Variants in SHISA9 observed in about 807,000 individuals in gnomAD.
SHISA9 encodes shisa family member 9.
SHISA9 carries 13 observed loss-of-function variants against 38.0 expected under a neutral mutation model. The ratio of observed to expected loss-of-function variants is 0.34; its 90% confidence interval spans 0.22 to 0.54. The LOEUF is 0.54. SHISA9 is among the 20% of genes least tolerant of loss of function. SHISA9 has a pLI of 0.91. For synonymous variants in SHISA9, 275 were observed against 242.0 expected (o/e 1.14, Z -1.27); for missense variants, 538 against 575.8 (o/e 0.93, Z 0.67).
intron 2 of SHISA9, among the ~76,000 whole-genome samples, chr16:13,078,291 T>G (rs1470641534): frequency 6.6e-6 from 1 of 152,272 alleles, no homozygotes; most frequent in African/African-American, 2.4e-5. Context: ...CTGAATACTT[T>G]AGATCGTCTC....
the SHISA9 span, among the ~76,000 whole-genome samples, chr16:13,290,187 T>C: frequency 2.6e-5 from 4 of 152,156 alleles, no homozygotes; most frequent in African/African-American, 9.7e-5. Flanking sequence ...TTCTATGGTA[T>C]TGTACATGTA....
At chr16:13,071,571 C>CCTTCCTTCCTCCCTTCCTTCCTTCCTT (rs1445653646) in intron 2 of SHISA9, among the ~76,000 whole-genome samples, 4 of 134,336 alleles carry the variant, frequency 3.0e-5, no homozygotes, top group African/African-American at 1.4e-4. Context: ...CTTCCTTCCT[C>CCTTCCTTCCTCCCTTCCTTCCTTCCTT]CCTTCCTCCC....
chr16:12,911,956 A>G (rs1393248918), intron 1 of SHISA9, among the ~76,000 whole-genome samples: 1 of 152,250 alleles, frequency 6.6e-6, no homozygotes, highest in Non-Finnish European at 1.5e-5. Flanking sequence ...CCAAGCTAAT[A>G]AATAATTTAA....
chr16:13,419,425 G>T, the SHISA9 span, among the ~76,000 whole-genome samples: 1 of 152,146 alleles, frequency 6.6e-6, no homozygotes, highest in African/African-American at 2.4e-5. Context: ...TGGCTTTGTG[G>T]GACTAATCTT....
chr16:12,997,422 T>C (rs546739749), intron 2 of SHISA9, among the ~76,000 whole-genome samples: 1 of 151,784 alleles, frequency 6.6e-6, no homozygotes, highest in East Asian at 1.9e-4. Flanking sequence ...TTTTTTTTTT[T>C]TTTTTAGACA....
the SHISA9 span, among the ~76,000 whole-genome samples, chr16:13,284,604 T>C: frequency 1.3e-5 from 2 of 152,152 alleles, no homozygotes; most frequent in East Asian, 3.9e-4. Flanking sequence ...TATTTATTTA[T>C]TTATTTACTG....
chr16:12,952,115 T>G (rs963464444), intron 2 of SHISA9, among the ~76,000 whole-genome samples: 3 of 152,164 alleles, frequency 2.0e-5, no homozygotes, highest in Non-Finnish European at 4.4e-5. Flanking sequence ...AACATGGAAT[T>G]TTTCAATTGA....
At chr16:13,209,512 T>A (rs758516908) in intron 3 of SHISA9, among the ~76,000 whole-genome samples, 16 of 152,232 alleles carry the variant, frequency 1.1e-4, no homozygotes, top group Non-Finnish European at 2.1e-4. Context: ...GGCATATAGA[T>A]ACTGTAATGT....
chr16:13,286,873 A>T, the SHISA9 span, among the ~76,000 whole-genome samples: 3 of 152,130 alleles, frequency 2.0e-5, no homozygotes, highest in African/African-American at 7.2e-5. Context: ...GCTGTGGGGA[A>T]TTTTTTTGTT....
chr16:13,357,092 T>C, the SHISA9 span, among the ~76,000 whole-genome samples: 1 of 150,900 alleles, frequency 6.6e-6, no homozygotes, highest in Admixed American at 6.6e-5. Context: ...GGAGAAGGGG[T>C]GGAGGGTTCT....
the SHISA9 span, among the ~76,000 whole-genome samples, chr16:13,395,140 G>A: frequency 1.3e-5 from 2 of 152,172 alleles, no homozygotes; most frequent in Admixed American, 6.6e-5. Flanking sequence ...TCATGAATAT[G>A]CAGACCTGTG....
the SHISA9 span, among the ~76,000 whole-genome samples, chr16:13,334,773 CAAA>C: frequency 6.1e-5 from 6 of 97,642 alleles, no homozygotes; most frequent in Non-Finnish European, 4.1e-5. Flanking sequence ...GACTCCATCT[CAAA>C]AAAAAAAAAA....
At chr16:13,033,105 G>A (rs2073011479) in intron 2 of SHISA9, among the ~76,000 whole-genome samples, 1 of 152,112 alleles carries the variant, frequency 6.6e-6, no homozygotes, top group Admixed American at 6.5e-5. Context: ...GAAAAGATAG[G>A]GTGCTTTTTT....
At chr16:13,407,803 G>A in the SHISA9 span, among the ~76,000 whole-genome samples, 1 of 152,172 alleles carries the variant, frequency 6.6e-6, no homozygotes, top group Non-Finnish European at 1.5e-5. Flanking sequence ...AACTTGAGAA[G>A]AGGAAGCACA....
intron 2 of SHISA9, among the ~76,000 whole-genome samples, chr16:13,019,088 C>T (rs1321154662): frequency 1.3e-5 from 2 of 152,174 alleles, no homozygotes; most frequent in Non-Finnish European, 2.9e-5. Flanking sequence ...CAACCTCCAC[C>T]TCCCCAGTTC....
chr16:12,916,804 T>G lies in SHISA9; in HGVS notation c.680T>G (p.Ile227Arg). 6.4e-7 allele frequency: 1 copy of G among 1,551,712 alleles called. No homozygotes were observed. Among genetic ancestry groups the G allele is most frequent in the African/African-American group, 1.4e-5 (1 of 73,176 alleles). The change falls in exon 2 of 5, where the codon ATA becomes AGA. Residue 227 changes from isoleucine to arginine, a missense_variant. By Grantham distance (97) the Ile-to-Arg change is moderately conservative. Around this residue, in one of 4 missense-constraint regions of SHISA9, gnomAD observed 326 missense variants for 305.9 expected, o/e 1.07. Transcript: ENST00000558583. Reference protein sequence around the residue: ...HYENMDTRTPINNLHATQMNN... With the variant: ...HYENMDTRTPRNNLHATQMNN... ...GAGAACATGGACACGAGAACCCCCA[T>G]AAATAATCTTCGTAAGTACAGCTGC...
the SHISA9 span, among the ~76,000 whole-genome samples, chr16:13,291,004 T>C: frequency 1.3e-5 from 2 of 152,146 alleles, no homozygotes; most frequent in Admixed American, 6.6e-5. Flanking sequence ...AGAGTTGCAG[T>C]ACTGAACACA....
intron 2 of SHISA9, among the ~76,000 whole-genome samples, chr16:13,184,549 T>C (rs777499696): frequency 6.6e-6 from 1 of 152,266 alleles, no homozygotes; most frequent in Non-Finnish European, 1.5e-5. Flanking sequence ...CGTAGAGTGC[T>C]GTAACTACCG....
chr16:13,527,528 T>C, the SHISA9 span, among the ~76,000 whole-genome samples: 1 of 152,190 alleles, frequency 6.6e-6, no homozygotes, highest in Non-Finnish European at 1.5e-5. Context: ...CTAGTCTAGT[T>C]AAATATAAGG....
Sources: allele counts gnomAD v4.1 joint callset (sites outside exome capture counted in the v4.1 genomes callset), GRCh38; gene constraint gnomAD v4.1.1; regional missense constraint gnomAD v4.1.1; transcripts MANE v1.5; gene names NCBI Gene and HGNC (gene_info 2026-07-23, HGNC 2026-07-21).